Variants in ZNF521 observed in about 807,000 individuals in gnomAD.
ZNF521 encodes LYST-interacting protein 3.
Under a neutral mutation model 105.5 loss-of-function variants are expected in ZNF521, and 14 were observed. The observed-to-expected ratio is 0.13, with a 90% CI of 0.09 to 0.21. The LOEUF (loss-of-function observed/expected upper bound fraction) is 0.21. ZNF521 is among the 10% of genes least tolerant of loss of function. ZNF521 has a pLI of 1.00. For missense variants in ZNF521, 1,233 were observed against 1,629.7 expected (o/e 0.76, Z 4.19); for synonymous variants, 635 against 606.0 (o/e 1.05, Z -0.70).
At chr18:25,263,867 A>G (rs1399373644) in intron 3 of ZNF521, among the ~76,000 whole-genome samples, 3 of 152,230 alleles carry the variant, frequency 2.0e-5, no homozygotes, top group Non-Finnish European at 2.9e-5. Context: ...CATAAGCCAC[A>G]GCACCTGGCC....
intron 3 of ZNF521, among the ~76,000 whole-genome samples, chr18:25,240,973 A>G (rs567186453): frequency 2.7e-5 from 4 of 149,846 alleles, no homozygotes; most frequent in South Asian, 4.2e-4. Context: ...AAAAAAAGTT[A>G]GAGCAAGCAA....
chr18:25,320,752 G>C (rs1912894824), intron 3 of ZNF521, among the ~76,000 whole-genome samples: 1 of 152,066 alleles, frequency 6.6e-6, no homozygotes, highest in Non-Finnish European at 1.5e-5. Context: ...AATAAAAGTT[G>C]CTCCCTAGAA....
intron 3 of ZNF521, among the ~76,000 whole-genome samples, chr18:25,283,943 C>A (rs567531741): frequency 4.4e-4 from 58 of 130,896 alleles, no homozygotes; most frequent in African/African-American, 1.5e-3. Context: ...CAAAAAAATT[C>A]ATGAGCAGCA....
chr18:25,258,985 C>G (rs566055749), intron 3 of ZNF521, among the ~76,000 whole-genome samples: 1 of 152,128 alleles, frequency 6.6e-6, no homozygotes, highest in Non-Finnish European at 1.5e-5. Context: ...TTACACTTCA[C>G]AAAAACCTGT....
Position 25,227,066 on chromosome 18 carries a change from G to T in ZNF521, c.852C>A (p.Val284=). The change falls in exon 4 of 8, where the codon GTC becomes GTA. Residue 284 remains valine, a synonymous_variant. Transcript: ENST00000361524. The surrounding 1 kb of genome is among the most constrained non-coding windows in gnomAD (Gnocchi z 5.7). ...PNEDRAALQC[V]YCHELFVEET... ...CCTCTACGAAGAGCTCGTGGCAGTA[G>T]ACACACTGGAGGGCCGCTCGGTCCT... The T allele has an allele frequency of 6.2e-7, 1 of 1,614,160 alleles. No homozygotes were observed. The highest frequency in any genetic ancestry group is 8.5e-7 in the Non-Finnish European group (1 of 1,180,008).
chr18:25,325,743 G>A (rs975418710), intron 2 of ZNF521, among the ~76,000 whole-genome samples: 10 of 152,094 alleles, frequency 6.6e-5, no homozygotes, highest in African/African-American at 2.4e-4. Context: ...GATTTATACC[G>A]TTCTGATTGG....
chr18:25,186,697 C>T (rs2035727773), intron 5 of ZNF521, among the ~76,000 whole-genome samples: 1 of 151,836 alleles, frequency 6.6e-6, no homozygotes, highest in Admixed American at 6.6e-5. Flanking sequence ...GAATATTATC[C>T]AAGTCTTCCA....
chr18:25,259,131 T>A (rs1194562164), intron 3 of ZNF521, among the ~76,000 whole-genome samples: 1 of 152,186 alleles, frequency 6.6e-6, no homozygotes, highest in Non-Finnish European at 1.5e-5. Flanking sequence ...TTCAACAACA[T>A]GGCAGCTAAG....
intron 2 of ZNF521, among the ~76,000 whole-genome samples, chr18:25,323,872 T>C (rs1913065706): frequency 6.6e-6 from 1 of 151,932 alleles, no homozygotes; most frequent in South Asian, 2.1e-4. Context: ...ACGATTCACA[T>C]ATGCCAAAAT....
In ZNF521 at chr18:25,087,795, C is replaced by T. The variant is rs373125439; in HGVS notation, c.3906+1670G>A. Among the ~76,000 whole-genome samples, 9 of 152,148 alleles carry T rather than the reference C, an allele frequency of 5.9e-5. No individual in the cohort carries two copies. In the South Asian group the frequency reaches 1.0e-3, roughly 18 times the overall value. On this transcript the variant is annotated intron_variant, in intron 7 of 7. Transcript: ENST00000361524. ...TGTGACAGAATAGCATTTTTAGAAG[C>T]GATACAAGGTAAGATAGTAACTTTA...
chr18:25,146,920 C>T (rs141681374), intron 5 of ZNF521, among the ~76,000 whole-genome samples: 16 of 152,174 alleles, frequency 1.1e-4, no homozygotes, highest in Non-Finnish European at 1.9e-4. Flanking sequence ...TCACATCTTA[C>T]GTGTTTGTAA....
intron 5 of ZNF521, among the ~76,000 whole-genome samples, chr18:25,097,719 C>T (rs2033882566): frequency 6.6e-6 from 1 of 152,152 alleles, no homozygotes; most frequent in African/African-American, 2.4e-5. Flanking sequence ...ATCTCAAGAG[C>T]CGCAGGATAC....
chr18:25,148,106 C>T (rs954118514), intron 5 of ZNF521, among the ~76,000 whole-genome samples: 5 of 152,044 alleles, frequency 3.3e-5, no homozygotes, highest in Non-Finnish European at 5.9e-5. Flanking sequence ...TTTTATGAGA[C>T]AGCAGTTGAC....
At chr18:25,273,783 T>C (rs2144955317) in intron 3 of ZNF521, among the ~76,000 whole-genome samples, 1 of 152,346 alleles carries the variant, frequency 6.6e-6, no homozygotes, top group East Asian at 1.9e-4. Context: ...TAAAAGTTTC[T>C]ACCACAATGT....
intron 2 of ZNF521, among the ~76,000 whole-genome samples, chr18:25,336,709 C>G (rs1323605390): frequency 6.6e-6 from 1 of 152,140 alleles, no homozygotes; most frequent in Non-Finnish European, 1.5e-5. Flanking sequence ...TCCCTCTAGC[C>G]CCCACAAAAC....
chr18:25,277,182 CA>C (rs34657167), intron 3 of ZNF521, among the ~76,000 whole-genome samples: 1,537 of 82,430 alleles, frequency 0.019, 24 homozygotes, highest in African/African-American at 0.063. Flanking sequence ...GACTCCGTCT[CA>C]AAAAAAAAAA....
chr18:25,336,680 G>A (rs937272174), intron 2 of ZNF521, among the ~76,000 whole-genome samples: 18 of 152,158 alleles, frequency 1.2e-4, no homozygotes, highest in African/African-American at 4.3e-4. Context: ...GACTGAACTC[G>A]GCAAAGACTT....
chr18:25,234,426 A>G (rs760492693), intron 3 of ZNF521, among the ~76,000 whole-genome samples: 1 of 152,226 alleles, frequency 6.6e-6, no homozygotes, highest in African/African-American at 2.4e-5. Context: ...AATTTAAAGC[A>G]GTTTTTCATT....
At chr18:25,170,261 G>C (rs1250995855) in intron 5 of ZNF521, among the ~76,000 whole-genome samples, 2 of 151,910 alleles carry the variant, frequency 1.3e-5, no homozygotes, top group East Asian at 3.9e-4. Flanking sequence ...TGAAATGTCA[G>C]AAATAATGAT....
Sources: gnomAD v4.1 joint callset for allele counts (sites outside exome capture counted in the v4.1 genomes callset) on GRCh38, gnomAD v4.1.1 for gene constraint, Gnocchi (gnomAD v3.1) non-coding constraint, MANE v1.5 for transcripts, NCBI Gene and HGNC (gene_info 2026-07-23, HGNC 2026-07-21) for gene names.